The following CSGALNACT1 variants were observed in gnomAD, a reference collection of about 807,000 sequenced individuals.
The protein encoded by CSGALNACT1 is beta4GalNAcT-1.
CSGALNACT1 carries 52 observed loss-of-function variants against 51.0 expected under a neutral mutation model. That is an observed-to-expected ratio of 1.02 (90% confidence interval 0.82 to 1.29). The LOEUF is 1.29. Ranked by LOEUF, CSGALNACT1 falls within the 50% of genes most tolerant of loss-of-function variation. The probability of loss-of-function intolerance (pLI) is 0.00; values close to 1 mark genes in which losing one functional copy is unlikely to be tolerated. For synonymous variants in CSGALNACT1, 341 were observed against 254.4 expected (o/e 1.34, Z -3.24); for missense variants, 935 against 679.2 (o/e 1.38, Z -4.19).
intron 5 of CSGALNACT1, among the ~76,000 whole-genome samples, chr8:19,446,638 C>T (rs564131502): frequency 4.6e-5 from 7 of 152,226 alleles, no homozygotes; most frequent in Middle Eastern, 3.4e-3. Context: ...CCTAACTTCC[C>T]GAGCAGCTGG....
intron 1 of CSGALNACT1, among the ~76,000 whole-genome samples, chr8:19,756,629 C>G (rs1490547303): frequency 6.6e-6 from 1 of 151,822 alleles, no homozygotes; most frequent in East Asian, 2.0e-4. Flanking sequence ...ACCGATCGCA[C>G]GTCCCCTGGG....
exon 10 of CSGALNACT1, chr8:19,405,101 C>T (rs75608572): frequency 0.01 from 4,733 of 453,104 alleles, 202 homozygotes; most frequent in African/African-American, 0.088. Flanking sequence ...GTAAGGCTTG[C>T]AAAGTGGTAA....
intron 4 of CSGALNACT1, among the ~76,000 whole-genome samples, chr8:19,499,763 C>G (rs911826700): frequency 5.3e-5 from 8 of 152,130 alleles, no homozygotes; most frequent in African/African-American, 1.2e-4. Context: ...TTTGCAGGGC[C>G]CAGTGTAAAA....
At chr8:19,405,874 G>A (rs2054046256) in exon 10 of CSGALNACT1, 1 of 1,614,156 alleles carries the variant, frequency 6.2e-7, no homozygotes, top group Non-Finnish European at 8.5e-7. Flanking sequence ...GCCGTGGGAT[G>A]CCTCGTTCAT....
At chr8:19,661,840 T>C (rs558180873) in intron 1 of CSGALNACT1, among the ~76,000 whole-genome samples, 2 of 152,304 alleles carry the variant, frequency 1.3e-5, no homozygotes, top group East Asian at 3.9e-4. Flanking sequence ...CTCCCACCAG[T>C]TCACCAGTGT....
intron 1 of CSGALNACT1, among the ~76,000 whole-genome samples, chr8:19,662,747 C>A (rs950573786): frequency 6.6e-6 from 1 of 152,200 alleles, no homozygotes; most frequent in African/African-American, 2.4e-5. Flanking sequence ...GTGGTCCACA[C>A]TGGTAATGCT....
chr8:19,742,697 C>T (rs1009173948), intron 1 of CSGALNACT1, among the ~76,000 whole-genome samples: 1 of 152,232 alleles, frequency 6.6e-6, no homozygotes, highest in Non-Finnish European at 1.5e-5. Flanking sequence ...TGATCCCAAC[C>T]CTGTCTTCAG....
intron 4 of CSGALNACT1, among the ~76,000 whole-genome samples, chr8:19,493,078 T>C (rs2074723981): frequency 6.6e-6 from 1 of 150,764 alleles, no homozygotes; most frequent in Non-Finnish European, 1.5e-5. Context: ...AAAACATCTG[T>C]AAATATGTTT....
intron 3 of CSGALNACT1, among the ~76,000 whole-genome samples, chr8:19,582,171 C>T (rs1257943404): frequency 1.3e-5 from 2 of 152,174 alleles, no homozygotes; most frequent in Admixed American, 6.5e-5. Flanking sequence ...TAACTAGGCA[C>T]TGCAAGTGAC....
At chr8:19,494,525 T>C (rs973440029) in intron 4 of CSGALNACT1, among the ~76,000 whole-genome samples, 4 of 152,220 alleles carry the variant, frequency 2.6e-5, no homozygotes, top group East Asian at 1.9e-4. Context: ...AGGGACTATA[T>C]TGTCTAACTC....
At chr8:19,719,571 T>C (rs2063001940) in intron 1 of CSGALNACT1, among the ~76,000 whole-genome samples, 1 of 152,160 alleles carries the variant, frequency 6.6e-6, no homozygotes, top group African/African-American at 2.4e-5. Flanking sequence ...ATGTCCAAAA[T>C]AGTTGTGTGA....
At chr8:19,653,958 T>C (rs946590844) in intron 1 of CSGALNACT1, among the ~76,000 whole-genome samples, 1 of 152,134 alleles carries the variant, frequency 6.6e-6, no homozygotes, top group Non-Finnish European at 1.5e-5. Flanking sequence ...CCCTCTCCCC[T>C]TCCTTGCAAG....
chr8:19,475,977 T>A (rs1023021193), intron 4 of CSGALNACT1, among the ~76,000 whole-genome samples: 3 of 152,228 alleles, frequency 2.0e-5, no homozygotes, highest in Non-Finnish European at 2.9e-5. Context: ...TGACTTGCCA[T>A]GTCCACGAGA....
At chr8:19,471,483 G>A (rs1165805544) in intron 4 of CSGALNACT1, among the ~76,000 whole-genome samples, 1 of 152,028 alleles carries the variant, frequency 6.6e-6, no homozygotes, top group Non-Finnish European at 1.5e-5. Context: ...CTTTTAAAAT[G>A]AACTTCCATT....
At chr8:19,682,808 C>T (rs1423562280), upstream of CSGALNACT1, 2 of 450,502 alleles carry the variant, frequency 4.4e-6, no homozygotes, top group Non-Finnish European at 8.9e-6. Context: ...TTCCGGCCAG[C>T]ACAGATAACA....
At chr8:19,673,828 G>T (rs1460616301) in intron 1 of CSGALNACT1, among the ~76,000 whole-genome samples, 2 of 152,204 alleles carry the variant, frequency 1.3e-5, no homozygotes, top group Non-Finnish European at 2.9e-5. Context: ...GAAGTACTCT[G>T]AAAATATTGT....
At chr8:19,665,919 C>G (rs915235540) in intron 1 of CSGALNACT1, among the ~76,000 whole-genome samples, 2 of 152,218 alleles carry the variant, frequency 1.3e-5, no homozygotes, top group Non-Finnish European at 2.9e-5. Context: ...GACCTACATT[C>G]ATCTAACCAC....
chr8:19,475,247 G>C (rs1368428414), intron 4 of CSGALNACT1, among the ~76,000 whole-genome samples: 1 of 152,154 alleles, frequency 6.6e-6, no homozygotes, highest in Non-Finnish European at 1.5e-5. Flanking sequence ...GAGAAAGTCT[G>C]GGAAATAGAC....
chr8:19,720,319 G>T (rs914589842), intron 1 of CSGALNACT1, among the ~76,000 whole-genome samples: 10 of 152,146 alleles, frequency 6.6e-5, no homozygotes, highest in African/African-American at 2.4e-4. Context: ...GTCCACACAT[G>T]GTTCTCATGT....
Sources: gnomAD v4.1 joint callset for allele counts (sites outside exome capture counted in the v4.1 genomes callset) on GRCh38, gnomAD v4.1.1 for gene constraint, MANE v1.5 for transcripts, NCBI Gene and HGNC (gene_info 2026-07-23, HGNC 2026-07-21) for gene names.